OGG1: variants seen among roughly 807,000 people sequenced by gnomAD.
OGG1 encodes 8-oxoguanine DNA glycosylase.
In OGG1, 35 loss-of-function variants were observed where a neutral mutation model predicts 42.3. The observed-to-expected ratio is 0.83, with a 90% CI of 0.63 to 1.10. The LOEUF (loss-of-function observed/expected upper bound fraction) is 1.10. OGG1 is among the 50% of genes least tolerant of loss of function. OGG1 has a pLI of 0.00. For synonymous variants in OGG1, 189 were observed against 179.0 expected (o/e 1.06, Z -0.44); for missense variants, 484 against 446.7 (o/e 1.08, Z -0.75).
rs773701859 is a variant in OGG1 at position 9,751,000 on chromosome 3, A to G, written c.193A>G (p.Thr65Ala). 7 of 1,614,052 alleles carry G rather than the reference A, an allele frequency of 4.3e-6. No individual in the cohort carries two copies. Among genetic ancestry groups the G allele is most frequent in the Admixed American group, 3.3e-5 (2 of 60,020 alleles). The change falls in exon 2 of 7, where the codon ACA becomes GCA. Residue 65 changes from threonine (T) to alanine (A), a missense_variant. By Grantham distance (58) the Thr-to-Ala change is moderately conservative (BLOSUM62 0). Transcript: ENST00000344629. ...TGGTGTACTAGCGGATCAAGTATGG[A>G]CACTGACTCAGACTGAGGAGCAGCT... ...WSGVLADQVW[T>A]LTQTEEQLHC...
chr3:9,777,516 T>G (rs1374125498), intron 2 of OGG1, among the ~76,000 whole-genome samples: 1 of 152,214 alleles, frequency 6.6e-6, no homozygotes, highest in Non-Finnish European at 1.5e-5. Flanking sequence ...GCTGGAATAT[T>G]ACTCTCCTTG....
chr3:9,768,796 C>T (rs978969884), downstream of OGG1, among the ~76,000 whole-genome samples: 1 of 152,120 alleles, frequency 6.6e-6, no homozygotes, highest in Admixed American at 6.5e-5. Flanking sequence ...GAGAAGGTGC[C>T]CTGACTAGGG....
At chr3:9,752,733 C>T (rs2077363127) in intron 3 of OGG1, among the ~76,000 whole-genome samples, 1 of 152,164 alleles carries the variant, frequency 6.6e-6, no homozygotes, top group Admixed American at 6.5e-5. Context: ...TGCCTCAAAA[C>T]AGGAGAATGT....
At chr3:9,761,757 G>T (rs1433477390), downstream of OGG1, 1 of 1,614,024 alleles carries the variant, frequency 6.2e-7, no homozygotes, top group East Asian at 2.2e-5. Context: ...AGATTCTCTG[G>T]CTTGAAGGGC....
At chr3:9,786,268 G>A (rs777422051) in intron 3 of OGG1, among the ~76,000 whole-genome samples, 1 of 152,106 alleles carries the variant, frequency 6.6e-6, no homozygotes, top group African/African-American at 2.4e-5. Context: ...GGACTGGAGT[G>A]ACAATTACGC....
chr3:9,768,450 C>T (rs1043127566), downstream of OGG1, among the ~76,000 whole-genome samples: 3 of 152,222 alleles, frequency 2.0e-5, no homozygotes, highest in Non-Finnish European at 4.4e-5. Flanking sequence ...CCAGCCTGGC[C>T]CTTCCTCTGC....
chr3:9,757,486 A>G (rs751292632), downstream of OGG1: 22 of 1,603,346 alleles, frequency 1.4e-5, no homozygotes, highest in African/African-American at 2.5e-4. The surrounding 1 kb of genome is among the most constrained non-coding windows in gnomAD (Gnocchi z 4.5). Context: ...GAAGGGGAGC[A>G]GGCTGCCCCC....
intron 3 of OGG1, chr3:9,787,097 A>C (rs2078631765): frequency 6.2e-7 from 1 of 1,614,230 alleles, no homozygotes; most frequent in South Asian, 1.1e-5. Flanking sequence ...CTTCTTCAGC[A>C]GGGCATCCAC....
At chr3:9,789,790 C>T (rs747301409), downstream of OGG1, 2 of 1,614,226 alleles carry the variant, frequency 1.2e-6, no homozygotes, top group South Asian at 2.2e-5. Flanking sequence ...GGATCTTGGG[C>T]TGAAGGTTTT....
At chr3:9,774,959 A>ATTTT (rs201509950) in intron 2 of OGG1, among the ~76,000 whole-genome samples, 1 of 142,872 alleles carries the variant, frequency 7.0e-6, no homozygotes, top group African/African-American at 2.6e-5. Context: ...TGTTTGAGTA[A>ATTTT]TTTTTTTTTT....
chr3:9,766,131 T>G (rs1410929394), exon 8 of OGG1: 1 of 1,158,110 alleles, frequency 8.6e-7, no homozygotes, highest in African/African-American at 1.5e-5. Flanking sequence ...TTACTAGCAC[T>G]TTGAGAATGA....
At chr3:9,789,787 G>A, downstream of OGG1, 1 of 1,614,226 alleles carries the variant, frequency 6.2e-7, no homozygotes, top group Non-Finnish European at 8.5e-7. Context: ...CCTGGATCTT[G>A]GGCTGAAGGT....
chr3:9,757,856 A>C, downstream of OGG1: 1 of 1,597,038 alleles, frequency 6.3e-7, no homozygotes, highest in South Asian at 1.1e-5. This position sits in a 1 kb window ranked among gnomAD's most constrained non-coding sequence, Gnocchi z 4.5. Context: ...GCTGGCATTG[A>C]AGGCATTGAA....
downstream of OGG1, chr3:9,767,907 A>G: frequency 7.5e-7 from 1 of 1,325,670 alleles, no homozygotes; most frequent in Non-Finnish European, 9.9e-7. Flanking sequence ...TGACAAAATC[A>G]TTCAACAAAC....
chr3:9,774,862 C>T (rs557101719), intron 2 of OGG1, among the ~76,000 whole-genome samples: 4 of 152,160 alleles, frequency 2.6e-5, no homozygotes, highest in African/African-American at 2.4e-5. Flanking sequence ...TAAATAATGT[C>T]GAGGCCTTTT....
chr3:9,752,074 G>A, intron 3 of OGG1, 125 bp downstream of exon 3: 2 of 863,818 alleles, frequency 2.3e-6, no homozygotes, highest in Non-Finnish European at 3.7e-6. Context: ...GAACCGCCCT[G>A]CCTGGTCTGA....
chr3:9,756,712 T>G, intron 5 of OGG1, 55 bp from the exon 6 acceptor site: 1 of 1,613,948 alleles, frequency 6.2e-7, no homozygotes. Context: ...ACCCTACTTC[T>G]GTTGATGGGT....
chr3:9,759,573 A>T, downstream of OGG1: 1 of 1,614,058 alleles, frequency 6.2e-7, no homozygotes, highest in East Asian at 2.2e-5. Flanking sequence ...ATCTCCTGCA[A>T]TCCTAGGATG....
intron 3 of OGG1, 51 bp from the exon 4 acceptor site, chr3:9,754,653 A>G: frequency 6.3e-7 from 1 of 1,596,770 alleles, no homozygotes; most frequent in Admixed American, 1.7e-5. Context: ...GCCTAAGGAC[A>G]GGAAGAACTT....
Sources: allele counts gnomAD v4.1 joint callset (sites outside exome capture counted in the v4.1 genomes callset), GRCh38; gene constraint gnomAD v4.1.1; non-coding constraint Gnocchi (gnomAD v3.1); transcripts MANE v1.5; gene names NCBI Gene and HGNC (gene_info 2026-07-23, HGNC 2026-07-21).